The following NUP210 variants were observed in gnomAD, a reference collection of about 807,000 sequenced individuals.
NUP210 encodes the protein nucleoporin 210.
A neutral mutation model predicts 196.0 loss-of-function variants in NUP210; 151 were observed. The observed-to-expected ratio is 0.77, with a 90% confidence interval of 0.67 to 0.88. The LOEUF is 0.88. Among genes scored for constraint, NUP210 ranks in the 40% least tolerant of loss-of-function variants. The pLI, the probability that NUP210 is intolerant of heterozygous loss-of-function variation, is 0.00. For missense variants in NUP210, 2,314 were observed against 2,493.7 expected, an observed-to-expected ratio of 0.93 and a Z score of 1.53; for synonymous variants, 1,070 against 1,052.7, an observed-to-expected ratio of 1.02 and a Z score of -0.32.
chr3:13,402,366 GTAAAT>G (rs1471031079), intron 1 of NUP210, among the ~76,000 whole-genome samples: 1 of 152,156 alleles, frequency 6.6e-6, no homozygotes, highest in Middle Eastern at 3.2e-3. Flanking sequence ...GGTCTGGCCT[GTAAAT>G]CCCACACCCT....
At chr3:13,330,343 T>G in intron 30 of NUP210, 117 bp downstream of exon 30, 2 of 982,370 alleles carry the variant, frequency 2.0e-6, no homozygotes, top group South Asian at 1.6e-5. Flanking sequence ...TTACTCTAAA[T>G]GCCTGTCTAC....
intron 20 of NUP210, chr3:13,344,895 C>T (rs1697660944): frequency 2.0e-6 from 2 of 981,634 alleles, no homozygotes. Context: ...GGCCCAGGTC[C>T]AGCGTCCTTC....
chr3:13,369,297 C>T (rs945362227), intron 13 of NUP210, among the ~76,000 whole-genome samples: 8 of 152,176 alleles, frequency 5.3e-5, no homozygotes, highest in Admixed American at 6.5e-5. Context: ...GCTGCTGACA[C>T]GTAGGAGTTC....
intron 1 of NUP210, among the ~76,000 whole-genome samples, chr3:13,418,841 C>T (rs1011562796): frequency 6.7e-6 from 1 of 150,292 alleles, no homozygotes; most frequent in Non-Finnish European, 1.5e-5. Context: ...CACCTGTAAT[C>T]CCAGCTACGA....
At chr3:13,341,482 C>G (rs1697489871) in intron 23 of NUP210, among the ~76,000 whole-genome samples, 1 of 152,168 alleles carries the variant, frequency 6.6e-6, no homozygotes, top group Non-Finnish European at 1.5e-5. Flanking sequence ...TGTGACCAGG[C>G]ACACCCCTTC....
chr3:13,368,366 C>T (rs780924262), intron 13 of NUP210, among the ~76,000 whole-genome samples: 9 of 152,118 alleles, frequency 5.9e-5, no homozygotes, highest in Admixed American at 1.3e-4. Flanking sequence ...CATGGGCCAC[C>T]GTGCCCAGCC....
At chr3:13,325,693 C>A (rs560990305) in intron 33 of NUP210, 102 bp downstream of exon 33, 108 of 1,402,032 alleles carry the variant, frequency 7.7e-5, no homozygotes, top group Non-Finnish European at 1.0e-4. Flanking sequence ...ACCCCTCAGA[C>A]GGCTTTTCCC....
chr3:13,391,118 C>T, intron 4 of NUP210, 93 bp downstream of exon 4: 1 of 839,942 alleles, frequency 1.2e-6, no homozygotes, highest in Admixed American at 2.0e-5. Context: ...CCTCAATGAC[C>T]CAGATGAAAG....
At position 13,332,876 on chromosome 3, in the gene NUP210, T is replaced by C. The variant is rs1056975347; in HGVS notation, c.3844-492A>G. ...AGGAAGAACTTTACCTGCCAGGATG[T>C]GAGCGCGGAGGGCAGCACACACAAC... On this transcript the variant is annotated intron_variant, in intron 28 of 39. Coordinates refer to ENST00000254508, the MANE Select transcript of NUP210 (RefSeq NM_024923.4). Among the ~76,000 whole-genome samples, 10 of 152,226 alleles carry C rather than the reference T, an allele frequency of 6.6e-5. No individual in the cohort carries two copies. In the South Asian group the frequency reaches 2.1e-3, roughly 32 times the overall value.
At chr3:13,358,593 A>T (rs1224461224) in intron 15 of NUP210, among the ~76,000 whole-genome samples, 198 bp from the exon 16 acceptor site, 7 of 152,088 alleles carry the variant, frequency 4.6e-5, no homozygotes, top group Non-Finnish European at 8.8e-5. Context: ...AACACCTAAG[A>T]GACTCTCAGA....
chr3:13,410,325 T>C (rs1040011684), intron 1 of NUP210, among the ~76,000 whole-genome samples: 11 of 151,992 alleles, frequency 7.2e-5, no homozygotes, highest in African/African-American at 2.7e-4. Context: ...GGAAAAGGCA[T>C]GTAGCACCAT....
At chr3:13,396,760 CAAAAAAAAA>C (rs71066951) in intron 3 of NUP210, among the ~76,000 whole-genome samples, 6 of 62,104 alleles carry the variant, frequency 9.7e-5, no homozygotes, top group East Asian at 4.8e-4. Context: ...GACTCTGTCT[CAAAAAAAAA>C]AAAAAAAAAA....
chr3:13,403,878 T>G (rs991896584), intron 1 of NUP210, among the ~76,000 whole-genome samples: 2 of 152,166 alleles, frequency 1.3e-5, no homozygotes, highest in African/African-American at 4.8e-5. Context: ...TTCAGCTGGC[T>G]GAGCTCTGTG....
At chr3:13,332,156 A>C (rs1697021193) in intron 29 of NUP210, 137 bp downstream of exon 29, 2 of 664,056 alleles carry the variant, frequency 3.0e-6, no homozygotes, top group Non-Finnish European at 5.5e-6. Context: ...GAGCAGGCAG[A>C]GGCCTCACCC....
At chr3:13,343,339 T>TGGGGGGGGGGGGGGGGGGGGGG in intron 20 of NUP210, 36 bp from the exon 21 acceptor site, 1 of 282,520 alleles carries the variant, frequency 3.5e-6, no homozygotes, top group Non-Finnish European at 6.1e-6. Flanking sequence ...GGGTGGGTGG[T>TGGGGGGGGGGGGGGGGGGGGGG]GGGTTACGCA....
chr3:13,336,206 C>T (rs1052529422), intron 27 of NUP210, among the ~76,000 whole-genome samples: 1 of 152,152 alleles, frequency 6.6e-6, no homozygotes, highest in Non-Finnish European at 1.5e-5. Context: ...AGGCAGGGAG[C>T]GACCTTTCAA....
At chr3:13,390,276 C>G (rs1699444747) in intron 4 of NUP210, among the ~76,000 whole-genome samples, 1 of 152,110 alleles carries the variant, frequency 6.6e-6, no homozygotes, top group Non-Finnish European at 1.5e-5. Flanking sequence ...ACTTTTTGGA[C>G]TAAACTGGCA....
intron 5 of NUP210, among the ~76,000 whole-genome samples, chr3:13,386,883 C>A (rs769523533): frequency 6.6e-6 from 1 of 152,192 alleles, no homozygotes; most frequent in Admixed American, 6.5e-5. Flanking sequence ...TCACCCCCGA[C>A]CTGTGACCTC....
At chr3:13,321,502 T>C in intron 36 of NUP210, 83 bp downstream of exon 36, 1 of 1,445,764 alleles carries the variant, frequency 6.9e-7, no homozygotes, top group Non-Finnish European at 9.5e-7. Context: ...GCCCAGGACA[T>C]CCACACCACA....
Sources: gnomAD v4.1 joint callset for allele counts (sites outside exome capture counted in the v4.1 genomes callset) on GRCh38, gnomAD v4.1.1 for gene constraint, MANE v1.5 for transcripts, NCBI Gene and HGNC (gene_info 2026-07-23, HGNC 2026-07-21) for gene names.